Variants in PGBD5 observed in about 807,000 individuals in gnomAD.
PGBD5 encodes piggyBac transposable element-derived protein 5.
A neutral mutation model predicts 47.9 loss-of-function variants in PGBD5; 14 were observed. The observed-to-expected ratio is 0.29, with a 90% CI of 0.19 to 0.46. The LOEUF is 0.46. Ranked by LOEUF, PGBD5 falls within the 20% of genes least tolerant of loss-of-function variation. The pLI is 1.00. For synonymous variants in PGBD5, 316 were observed against 306.3 expected (o/e 1.03, Z -0.33); for missense variants, 635 against 716.0 (o/e 0.89, Z 1.29).
rs553455919 is a variant in PGBD5, at chr1:230,380,400, G to T, written c.332-23079C>A. ...TGCCTCCCTGTGCTGGGCCCTCTGGGCAGGGCATACCTAAGTGGGGCCCTG... is the reference window on the plus strand; with the variant it reads ...TGCCTCCCTGTGCTGGGCCCTCTGGTCAGGGCATACCTAAGTGGGGCCCTG... On this transcript the variant is annotated intron_variant, in intron 1 of 6. Coordinates refer to ENST00000391860, the MANE Select transcript of PGBD5 (RefSeq NM_001258311.2). Among the ~76,000 whole-genome samples, 41 of 152,322 alleles carry T rather than the reference G, an allele frequency of 2.7e-4. 3 individuals are homozygous for T. The highest frequency in any genetic ancestry group is 6.8e-3 in the Middle Eastern group (2 of 294).
intron 1 of PGBD5, among the ~76,000 whole-genome samples, chr1:230,365,833 G>A (rs1259977816): frequency 6.6e-6 from 1 of 152,226 alleles, no homozygotes; most frequent in Non-Finnish European, 1.5e-5. Context: ...GTGGATGAAT[G>A]ACTCTTTGGA....
intron 5 of PGBD5, among the ~76,000 whole-genome samples, chr1:230,328,157 C>A (rs1390520219): frequency 4.6e-5 from 7 of 152,220 alleles, no homozygotes; most frequent in African/African-American, 1.7e-4. Flanking sequence ...GACCTTGCAG[C>A]TTTTCACCTC....
At chr1:230,326,004 C>G (rs769761642) in intron 5 of PGBD5, among the ~76,000 whole-genome samples, 2 of 152,172 alleles carry the variant, frequency 1.3e-5, no homozygotes, top group African/African-American at 2.4e-5. Flanking sequence ...ATAAATCCCC[C>G]GATAAGTGTG....
At chr1:230,387,686 G>A (rs1656678044) in intron 1 of PGBD5, among the ~76,000 whole-genome samples, 1 of 152,172 alleles carries the variant, frequency 6.6e-6, no homozygotes, top group South Asian at 2.1e-4. Flanking sequence ...GGTTAAGGAG[G>A]TCCACAGCCC....
chr1:230,316,031 TAC>T lies in PGBD5; in HGVS notation c.*7392_*7393del. The T allele has an allele frequency of 7.3e-6, 1 of 137,812 alleles. No individual in the cohort carries two copies. The highest frequency in any genetic ancestry group is 1.6e-5 in the Non-Finnish European group (1 of 63,968). The allele number at this position is 137,812 out of a possible 1,614,324, so 8.5% of individuals were successfully genotyped here. ...GTACACATATATGTATGTGTATACA[TAC>T]ATAAGTATATGTGTACACATATATG... On this transcript the variant is annotated 3_prime_UTR_variant, in exon 7 of 7. Coordinates refer to ENST00000391860, the MANE Select transcript of PGBD5 (RefSeq NM_001258311.2).
At chr1:230,343,575 T>C (rs1341077813) in intron 3 of PGBD5, among the ~76,000 whole-genome samples, 1 of 152,162 alleles carries the variant, frequency 6.6e-6, no homozygotes, top group Non-Finnish European at 1.5e-5. Flanking sequence ...ATCCTCAACT[T>C]ACCGTGTCCA....
intron 3 of PGBD5, 83 bp downstream of exon 3, chr1:230,350,875 G>A: frequency 6.5e-7 from 1 of 1,542,192 alleles, no homozygotes; most frequent in East Asian, 2.3e-5. Context: ...ACAAGTTCTT[G>A]GGTATCAGAT....
chr1:230,338,099 A>T (rs1667354548), intron 3 of PGBD5, among the ~76,000 whole-genome samples: 1 of 152,270 alleles, frequency 6.6e-6, no homozygotes, highest in African/African-American at 2.4e-5. Flanking sequence ...TGAGCCTGCC[A>T]CAGATTATTT....
intron 1 of PGBD5, among the ~76,000 whole-genome samples, chr1:230,396,242 C>CCTTTTTACCCCCACACTCT (rs1656962762): frequency 2.4e-4 from 3 of 12,342 alleles, no homozygotes; most frequent in Non-Finnish European, 4.7e-4. Flanking sequence ...CCCCACACTC[C>CCTTTTTACCCCCACACTCT]TCCCTTTTAC....
chr1:230,332,709 G>C, intron 5 of PGBD5, 135 bp downstream of exon 5: 1 of 1,018,722 alleles, frequency 9.8e-7, no homozygotes, highest in South Asian at 1.5e-5. Context: ...CCAGATGCTG[G>C]GGAATAACCG....
At chr1:230,402,196 ATG>A (rs1469597024) in intron 1 of PGBD5, among the ~76,000 whole-genome samples, 2 of 152,218 alleles carry the variant, frequency 1.3e-5, no homozygotes, top group East Asian at 3.9e-4. Context: ...TACAGATTCC[ATG>A]TGAGTTGATT....
intron 5 of PGBD5, among the ~76,000 whole-genome samples, chr1:230,330,419 C>T (rs1667195398): frequency 6.6e-6 from 1 of 152,168 alleles, no homozygotes; most frequent in Non-Finnish European, 1.5e-5. Context: ...GAAGACATCA[C>T]TGTATCATTA....
At chr1:230,390,392 C>A (rs1427661479) in intron 1 of PGBD5, among the ~76,000 whole-genome samples, 1 of 152,156 alleles carries the variant, frequency 6.6e-6, no homozygotes, top group African/African-American at 2.4e-5. Context: ...TTGGCTCCTC[C>A]CAACCCCTCT....
intron 3 of PGBD5, among the ~76,000 whole-genome samples, chr1:230,349,641 C>T (rs971284568): frequency 1.3e-5 from 2 of 151,364 alleles, no homozygotes; most frequent in Non-Finnish European, 2.9e-5. Flanking sequence ...AGCAGGTGCT[C>T]AATAAATATT....
chr1:230,342,979 T>C (rs1253435585), intron 3 of PGBD5, among the ~76,000 whole-genome samples: 1 of 152,222 alleles, frequency 6.6e-6, no homozygotes, highest in Non-Finnish European at 1.5e-5. Context: ...ATATGAAACA[T>C]TTCCATCATT....
In PGBD5 at chr1:230,396,566, CT is replaced by C. The variant is rs1465593924; in HGVS notation, c.331+29031del. ...GCTAAGGTACATTTTGTTGCCCCCC[CT>C]CCCCCTGCATTCATCTGGAATGGAC... On this transcript the variant is annotated intron_variant, in intron 1 of 6. Transcript: ENST00000391860. 1.1e-3 allele frequency among the ~76,000 whole-genome samples: 152 copies of C among 140,296 alleles called. 1 individual carries two copies. The highest frequency in any genetic ancestry group is 1.5e-3 in the Non-Finnish European group (97 of 65,162). The allele number at this position is 140,296 out of a possible 152,430, so 92.0% of individuals were successfully genotyped here. A position where few individuals can be genotyped will look rare whatever the true frequency, so the allele number is the denominator to read the frequency against.
chr1:230,406,200 C>T (rs1373433726), intron 1 of PGBD5, among the ~76,000 whole-genome samples: 3 of 148,606 alleles, frequency 2.0e-5, no homozygotes, highest in Non-Finnish European at 3.0e-5. Context: ...CCCAGCTACT[C>T]GGGAGGCTGA....
chr1:230,398,080 C>G (rs1657043728), intron 1 of PGBD5, among the ~76,000 whole-genome samples: 1 of 152,162 alleles, frequency 6.6e-6, no homozygotes, highest in Admixed American at 6.5e-5. Flanking sequence ...GAAACAGTCC[C>G]AGTTGGCAAA....
intron 1 of PGBD5, among the ~76,000 whole-genome samples, chr1:230,385,743 T>C (rs1656622901): frequency 6.6e-6 from 1 of 151,124 alleles, no homozygotes; most frequent in Non-Finnish European, 1.5e-5. Flanking sequence ...TAAAAAAGAG[T>C]TGGCCCTCTT....
Sources: allele counts gnomAD v4.1 joint callset (sites outside exome capture counted in the v4.1 genomes callset), GRCh38; gene constraint gnomAD v4.1.1; transcripts MANE v1.5; gene names NCBI Gene and HGNC (gene_info 2026-07-23, HGNC 2026-07-21).